Variants in DMD observed in about 807,000 individuals in gnomAD.
DMD encodes the protein dystrophin, also known as mutant dystrophin.
In DMD, 63 loss-of-function variants were observed where a neutral mutation model predicts 330.1. That is an observed-to-expected ratio of 0.19 (90% CI 0.16 to 0.24). DMD has a LOEUF of 0.24. Among genes scored for constraint, DMD ranks in the 10% least tolerant of loss-of-function variants. The pLI is 1.00. For synonymous variants in DMD, 1,223 were observed against 959.8 expected (o/e 1.27, Z -5.07); for missense variants, 3,344 against 2,684.1 (o/e 1.25, Z -5.43).
At chrX:32,345,882 T>A in intron 39 of DMD, 61 bp downstream of exon 39, 2 of 1,145,826 alleles carry the variant, frequency 1.7e-6, no homozygotes, top group Non-Finnish European at 2.4e-6. Flanking sequence ...CACATTATAT[T>A]TTACCCTATA....
intron 52 of DMD, among the ~76,000 whole-genome samples, chrX:31,726,716 G>A (rs942395369): frequency 8.9e-6 from 1 of 111,824 alleles, no homozygotes; most frequent in Non-Finnish European, 1.9e-5. Flanking sequence ...AACATATCTT[G>A]TCAGAATTAT....
At chrX:31,302,164 T>C (rs568957171) in intron 62 of DMD, among the ~76,000 whole-genome samples, 1 of 111,578 alleles carries the variant, frequency 9.0e-6, no homozygotes, top group East Asian at 2.8e-4. Context: ...TGTCAAAGGT[T>C]TATTTACCTC....
intron 7 of DMD, among the ~76,000 whole-genome samples, chrX:32,785,688 T>TC (rs778219081): frequency 7.6e-4 from 85 of 111,793 alleles, no homozygotes; most frequent in African/African-American, 2.6e-3. Flanking sequence ...CATCTTATAG[T>TC]CCCTTAATAT....
intron 53 of DMD, among the ~76,000 whole-genome samples, chrX:31,665,257 A>G (rs2081363902): frequency 8.9e-6 from 1 of 112,136 alleles, no homozygotes; most frequent in South Asian, 3.7e-4. Context: ...GCATGACTGG[A>G]AAATTATTAT....
chrX:32,886,793 A>G (rs2084635555), intron 2 of DMD, among the ~76,000 whole-genome samples: 1 of 112,170 alleles, frequency 8.9e-6, no homozygotes, highest in Non-Finnish European at 1.9e-5. Flanking sequence ...AAAAAACTAA[A>G]TGCCTAACTT....
chrX:31,798,262 A>C (rs182175077), intron 50 of DMD, among the ~76,000 whole-genome samples: 1 of 111,129 alleles, frequency 9.0e-6, no homozygotes, highest in Non-Finnish European at 1.9e-5. Flanking sequence ...CAGTGGGTTC[A>C]GGAAGAAGAT....
intron 2 of DMD, among the ~76,000 whole-genome samples, chrX:32,886,543 C>T (rs150240804): frequency 0.063 from 6,925 of 109,342 alleles, 246 homozygotes; most frequent in Middle Eastern, 0.12. Context: ...GTTAGCCAGG[C>T]GTGGTGGCAG....
intron 18 of DMD, among the ~76,000 whole-genome samples, chrX:32,505,925 T>C (rs1187805489): frequency 6.3e-5 from 7 of 111,979 alleles, no homozygotes. Context: ...TACCGCAGGA[T>C]TTCACCCTAG....
At chrX:33,169,263 C>T (rs929658620) in intron 1 of DMD, among the ~76,000 whole-genome samples, 2 of 111,890 alleles carry the variant, frequency 1.8e-5, no homozygotes, top group African/African-American at 6.5e-5. Flanking sequence ...TGAAACAATA[C>T]AAATGATCTT....
chrX:31,941,698 C>T (rs1422549353), intron 45 of DMD, among the ~76,000 whole-genome samples: 1 of 111,312 alleles, frequency 9.0e-6, no homozygotes, highest in East Asian at 2.8e-4. Context: ...ACCCTTGCCC[C>T]TCTCCTTCCT....
chrX:31,277,489 A>T (rs7057271), intron 62 of DMD, among the ~76,000 whole-genome samples: 19,115 of 110,997 alleles, frequency 0.17, 1,864 homozygotes, highest in African/African-American at 0.34. Flanking sequence ...TGTAAGTGAA[A>T]CAAAGGAAAA....
intron 16 of DMD, among the ~76,000 whole-genome samples, chrX:32,562,860 A>G (rs770545250): frequency 4.5e-4 from 50 of 111,661 alleles, no homozygotes; most frequent in African/African-American, 1.6e-3. Context: ...GCTCAAAAAC[A>G]GCCAGCAAAG....
chrX:32,055,920 T>C (rs1335492389), intron 44 of DMD, among the ~76,000 whole-genome samples: 1 of 111,044 alleles, frequency 9.0e-6, no homozygotes, highest in East Asian at 2.8e-4. Context: ...AACAAAGAAA[T>C]CTTTCTTTTT....
At chrX:33,153,691 A>G (rs2048377572) in intron 1 of DMD, among the ~76,000 whole-genome samples, 1 of 112,533 alleles carries the variant, frequency 8.9e-6, no homozygotes, top group African/African-American at 3.2e-5. Flanking sequence ...TGTGGGGCAC[A>G]TTATGAAGGC....
intron 67 of DMD, among the ~76,000 whole-genome samples, chrX:31,193,813 T>C (rs1436288301): frequency 9.0e-6 from 1 of 111,281 alleles, no homozygotes; most frequent in Non-Finnish European, 1.9e-5. Flanking sequence ...AACATTAATC[T>C]AATCACAAGG....
At chrX:31,677,415 T>C (rs923286214) in intron 53 of DMD, among the ~76,000 whole-genome samples, 5 of 112,157 alleles carry the variant, frequency 4.5e-5, no homozygotes, top group Non-Finnish European at 3.8e-5. Context: ...CCAAACTTCG[T>C]ATTTTCTGCT....
chrX:31,121,542 T>C lies in DMD; in HGVS notation c.*377A>G, dbSNP rs1251326321. ...TTACAATCTTTCTTTATAACTGTTATAAATTTTTAAACAACCCAAAATGCG... is the reference window on the plus strand; with the variant it reads ...TTACAATCTTTCTTTATAACTGTTACAAATTTTTAAACAACCCAAAATGCG... On this transcript the variant is annotated 3_prime_UTR_variant, in exon 79 of 79. Transcript: ENST00000357033. 2 of 231,586 alleles carry C rather than the reference T, an allele frequency of 8.6e-6. No individual in the cohort carries two copies. Among genetic ancestry groups the C allele is most frequent in the Non-Finnish European group, 1.5e-5 (2 of 130,214 alleles). 19.1% of individuals were successfully genotyped at this position (231,586 alleles called of 1,213,427 possible).
chrX:31,296,443 T>G (rs2054193219), intron 62 of DMD, among the ~76,000 whole-genome samples: 1 of 111,804 alleles, frequency 8.9e-6, no homozygotes, highest in Admixed American at 9.5e-5. Flanking sequence ...ATGGTTTCAG[T>G]AAAGGCAATT....
intron 7 of DMD, among the ~76,000 whole-genome samples, chrX:32,744,655 T>C (rs1327280601): frequency 1.8e-5 from 2 of 111,439 alleles, no homozygotes; most frequent in Non-Finnish European, 3.8e-5. Context: ...ATCATACAGA[T>C]CATCCTAGCA....
Sources: gnomAD v4.1 joint callset for allele counts (sites outside exome capture counted in the v4.1 genomes callset) on GRCh38, gnomAD v4.1.1 for gene constraint, MANE v1.5 for transcripts, NCBI Gene and HGNC (gene_info 2026-07-23, HGNC 2026-07-21) for gene names.